The following STX8 variants were observed in gnomAD, a reference collection of about 807,000 sequenced individuals.
STX8 encodes the protein syntaxin-8.
A neutral mutation model predicts 37.5 loss-of-function variants in STX8; 23 were observed. That is an observed-to-expected ratio of 0.61 (90% CI 0.44 to 0.87). STX8 has a LOEUF of 0.87. Among genes scored for constraint, STX8 ranks in the 40% least tolerant of loss-of-function variants. The probability of loss-of-function intolerance (pLI) is 0.00; values close to 1 mark genes in which losing one functional copy is unlikely to be tolerated. For synonymous variants in STX8, 115 were observed against 99.1 expected, an observed-to-expected ratio of 1.16 and a Z score of -0.95; for missense variants, 313 against 284.7, an observed-to-expected ratio of 1.10 and a Z score of -0.71.
intron 7 of STX8, among the ~76,000 whole-genome samples, chr17:9,314,589 T>C (rs78546357): frequency 6.7e-6 from 1 of 150,064 alleles, no homozygotes; most frequent in Non-Finnish European, 1.5e-5. Context: ...TTTTTTTTTT[T>C]AGTAGAGACG....
chr17:9,491,769 G>A, intron 6 of STX8, 60 bp downstream of exon 6: 1 of 1,390,580 alleles, frequency 7.2e-7, no homozygotes, highest in Non-Finnish European at 1.0e-6. Flanking sequence ...TTCAACAAAT[G>A]CTCAAGCCTT....
chr17:9,553,381 T>C (rs1376026439), intron 3 of STX8: 1 of 152,226 alleles, frequency 6.6e-6, no homozygotes, highest in Non-Finnish European at 1.5e-5. Context: ...GGAGAGAGCA[T>C]AACATCTCAT....
chr17:9,413,816 G>T (rs1046029853), intron 6 of STX8, among the ~76,000 whole-genome samples: 1 of 152,016 alleles, frequency 6.6e-6, no homozygotes, highest in Non-Finnish European at 1.5e-5. Flanking sequence ...ATACCTCAAC[G>T]GAAAAAAACT....
chr17:9,350,280 G>C (rs1910663127), intron 7 of STX8, among the ~76,000 whole-genome samples: 1 of 152,222 alleles, frequency 6.6e-6, no homozygotes, highest in African/African-American at 2.4e-5. Flanking sequence ...ACACTTCTCA[G>C]AACAGCATGC....
chr17:9,396,094 TAAGAAAAGA>T (rs144177111), intron 6 of STX8, among the ~76,000 whole-genome samples: 31,592 of 151,720 alleles, frequency 0.21, 3,513 homozygotes, highest in Non-Finnish European at 0.25. Flanking sequence ...GTAACAACAA[TAAGAAAAGA>T]AAGAAAAGAA....
intron 5 of STX8, among the ~76,000 whole-genome samples, chr17:9,493,161 G>A (rs914085979): frequency 4.0e-5 from 6 of 151,840 alleles, no homozygotes; most frequent in African/African-American, 1.5e-4. Flanking sequence ...TACTTGGGAG[G>A]CTGAGGTGAG....
At chr17:9,311,277 C>T (rs1441611370) in intron 7 of STX8, among the ~76,000 whole-genome samples, 1 of 149,378 alleles carries the variant, frequency 6.7e-6, no homozygotes, top group Non-Finnish European at 1.5e-5. Flanking sequence ...TGGGGTAATA[C>T]AGAAAACCCA....
Position 9,318,179 on chromosome 17 carries a change from T to C in STX8, c.643+60373A>G, listed in dbSNP as rs528232121. Among the ~76,000 whole-genome samples, 20 of 152,322 alleles carry C rather than the reference T, an allele frequency of 1.3e-4. No individual in the cohort carries two copies. In the East Asian group the frequency reaches 3.7e-3, roughly 28 times the overall value. ...GGTCCATGTGCACAACGTGCAGGTA[T>C]GTTACATAGGTATTTATGTGCCATG... On this transcript the variant is annotated intron_variant, in intron 7 of 7. Transcript: ENST00000306357.
At chr17:9,350,767 G>A (rs1426810288) in intron 7 of STX8, among the ~76,000 whole-genome samples, 1 of 152,016 alleles carries the variant, frequency 6.6e-6, no homozygotes, top group Non-Finnish European at 1.5e-5. Context: ...GCCTGACCTC[G>A]GGTGATCCAC....
intron 4 of STX8, among the ~76,000 whole-genome samples, chr17:9,541,385 G>C (rs553288226): frequency 1.3e-5 from 2 of 152,292 alleles, no homozygotes; most frequent in East Asian, 3.9e-4. Flanking sequence ...AGGGGGCAGG[G>C]CACGAGGGAC....
At chr17:9,396,682 C>G (rs1912415023) in intron 6 of STX8, among the ~76,000 whole-genome samples, 2 of 150,494 alleles carry the variant, frequency 1.3e-5, no homozygotes, top group South Asian at 2.1e-4. Flanking sequence ...TGCACTCCAT[C>G]CAGCCTGGGC....
In STX8 at chr17:9,556,511, G is replaced by A. The variant is rs371869863; in HGVS notation, c.212+923C>T. ...AGCTGGAGTGCTTTGGCACGATCTC[G>A]GCTCACTGCAACCTCCGCCTCCCAG... On this transcript the variant is annotated intron_variant, in intron 3 of 7. Coordinates refer to ENST00000306357, the MANE Select transcript of STX8 (RefSeq NM_004853.3). 1.1e-4 allele frequency among the ~76,000 whole-genome samples: 16 copies of A among 151,750 alleles called. No homozygotes were observed. The East Asian group carries it at 1.7e-3, about 17-fold the overall frequency.
chr17:9,429,956 AATAT>A (rs1320924245), intron 6 of STX8, among the ~76,000 whole-genome samples: 64 of 1,472 alleles, frequency 0.043, 11 homozygotes, highest in Non-Finnish European at 0.06. Context: ...TATTATATAT[AATAT>A]ATATATTATA....
intron 5 of STX8, among the ~76,000 whole-genome samples, chr17:9,493,770 TTAAAA>T (rs550206828): frequency 9.9e-4 from 151 of 152,356 alleles, no homozygotes; most frequent in Admixed American, 1.8e-3. Flanking sequence ...CTAATCCCTG[TTAAAA>T]TTAATAATTT....
intron 7 of STX8, among the ~76,000 whole-genome samples, chr17:9,288,145 A>C (rs200509128): frequency 0.2 from 14,291 of 70,966 alleles, 1,222 homozygotes; most frequent in South Asian, 0.34. Context: ...ACAAACAAAA[A>C]AAAAAAAAAC....
chr17:9,442,466 C>G (rs1597675085), intron 6 of STX8, among the ~76,000 whole-genome samples: 1 of 152,176 alleles, frequency 6.6e-6, no homozygotes, highest in Non-Finnish European at 1.5e-5. Flanking sequence ...GTTGCAGTCT[C>G]AGTGATCTCA....
intron 7 of STX8, among the ~76,000 whole-genome samples, chr17:9,354,217 T>C (rs989582932): frequency 6.6e-6 from 1 of 152,194 alleles, no homozygotes; most frequent in Non-Finnish European, 1.5e-5. Flanking sequence ...CATCTAACAA[T>C]TACGTTATCA....
chr17:9,312,867 C>T (rs967347554), intron 7 of STX8, among the ~76,000 whole-genome samples: 21 of 152,012 alleles, frequency 1.4e-4, no homozygotes, highest in Admixed American at 1.2e-3. Context: ...ATCTTGCGTC[C>T]CCAGGCATCC....
intron 7 of STX8, among the ~76,000 whole-genome samples, chr17:9,330,757 T>G (rs1909937589): frequency 6.6e-6 from 1 of 152,174 alleles, no homozygotes; most frequent in Non-Finnish European, 1.5e-5. Context: ...GTATACACTT[T>G]CCAGGCTGAG....
Sources: gnomAD v4.1 joint callset for allele counts (sites outside exome capture counted in the v4.1 genomes callset) on GRCh38, gnomAD v4.1.1 for gene constraint, MANE v1.5 for transcripts, NCBI Gene and HGNC (gene_info 2026-07-23, HGNC 2026-07-21) for gene names.